TRMU: variants seen among roughly 807,000 people sequenced by gnomAD.
TRMU encodes tRNA mitochondrial 2-thiouridylase.
TRMU carries 49 observed loss-of-function variants against 46.9 expected under a neutral mutation model. The observed-to-expected ratio is 1.05, with a 90% CI of 0.83 to 1.33. The LOEUF is 1.33. Among genes scored for constraint, TRMU ranks in the 40% most tolerant of loss-of-function variants. TRMU has a pLI of 0.00. For missense variants in TRMU, 572 were observed against 532.4 expected (o/e 1.07, Z -0.73); for synonymous variants, 241 against 200.9 (o/e 1.20, Z -1.69).
Position 46,346,628 on chromosome 22 carries a change from G to A in TRMU, c.478+84G>A, listed in dbSNP as rs2147055954. On this transcript the variant is annotated intron_variant, in intron 4 of 10. Coordinates refer to ENST00000645190, the MANE Select transcript of TRMU (RefSeq NM_018006.5). ...GGAATGACAGTGGGTTGTGCCTGAG[G>A]ATCACTGCCACCCCTCCCTCTGTGC... is the stretch of plus-strand genomic sequence containing the variant. 2.0e-6 allele frequency: 3 copies of A among 1,494,388 alleles called. No homozygotes were observed. In the African/African-American group the frequency reaches 4.2e-5, roughly 21 times the overall value. The allele number at this position is 1,494,388 out of a possible 1,614,324, so 92.6% of individuals were successfully genotyped here.
rs1601969928 is a variant in TRMU, at chr22:46,350,471, T to C, written c.651+8T>C. 6.2e-7 allele frequency: 1 copy of C among 1,613,100 alleles called. No individual in the cohort carries two copies. On this transcript the variant is annotated splice_region_variant and intron_variant, in intron 5 of 10. Transcript: ENST00000645190. The surrounding 1 kb of genome is among the most constrained non-coding windows in gnomAD (Gnocchi z 4.6). The stretch of plus-strand genomic sequence containing the variant: ...GTGCTTCAGAAGAAAGAGGTACGAG[T>C]GAGCAGTTGCCTTTGATTAGTGCCT...
At chr22:46,354,206 TGCC>T (rs1314087699) in intron 8 of TRMU, 3 of 342,754 alleles carry the variant, frequency 8.8e-6, no homozygotes, top group South Asian at 2.3e-5. Context: ...CCAAGGATGG[TGCC>T]CACCATGGTA....
chr22:46,343,270 T>C lies in TRMU; in HGVS notation c.257T>C (p.Leu86Ser). The change falls in exon 3 of 11, where the codon TTG becomes TCG. Residue 86 changes from leucine to serine, a missense_variant. Coordinates refer to ENST00000645190, the MANE Select transcript of TRMU (RefSeq NM_018006.5). Reference sequence around the variant, plus strand: ...ATTTTCTTTTATTCTAGTGACTTTTTGAATGAGTATGAAAAAGGAAGGACT... The same window carrying C: ...ATTTTCTTTTATTCTAGTGACTTTTCGAATGAGTATGAAAAAGGAAGGACT... ...EYWNDVFSDF[L>S]NEYEKGRTPN... The C allele has an allele frequency of 6.2e-7, 1 of 1,612,398 alleles. No homozygotes were observed. The highest frequency in any genetic ancestry group is 1.1e-5 in the South Asian group (1 of 90,952).
In TRMU at chr22:46,350,234, A is replaced by C. The variant is rs1450226461; in HGVS notation, c.479-57A>C. 2 of 1,606,578 alleles carry C rather than the reference A, an allele frequency of 1.2e-6. No individual in the cohort carries two copies. Among genetic ancestry groups the C allele is most frequent in the African/African-American group, 2.7e-5 (2 of 74,734 alleles). On this transcript the variant is annotated intron_variant, in intron 4 of 10. Coordinates refer to ENST00000645190, the MANE Select transcript of TRMU (RefSeq NM_018006.5). This position sits in a 1 kb window ranked among gnomAD's most constrained non-coding sequence, Gnocchi z 4.6. ...TAAGTGAACAGAAGGACATTGTTGA[A>C]AGTGAAGTATCATTATTTTTATTCC... is the stretch of plus-strand genomic sequence containing the variant.
At chr22:46,346,251 G>A (rs186351234) in intron 3 of TRMU, among the ~76,000 whole-genome samples, 171 bp from the exon 4 acceptor site, 94 of 152,298 alleles carry the variant, frequency 6.2e-4, no homozygotes, top group Non-Finnish European at 1.0e-3. Context: ...GATGAAATTG[G>A]ATGTGTGCGT....
chr22:46,357,046 C>T lies in TRMU; in HGVS notation c.*40C>T. 3 of 1,612,112 alleles carry T rather than the reference C, an allele frequency of 1.9e-6. No homozygotes were observed. Among genetic ancestry groups the T allele is most frequent in the Non-Finnish European group, 2.5e-6 (3 of 1,179,458 alleles). ...CTAGAAGGAACCTGGAGAGCAGGAC[C>T]CATGGCTGGGCGGCTGGTGAGCAGT... On this transcript the variant is annotated 3_prime_UTR_variant, in exon 11 of 11. Transcript: ENST00000645190.
In TRMU at chr22:46,335,742, T is replaced by A. The variant is rs1049433503; in HGVS notation, c.-23T>A. ...GCGCGGAAGCGGCGGTAGCTGCAGC[T>A]GGCGAAGTTGGGCGACTGGCGGATG... On this transcript the variant is annotated 5_prime_UTR_variant, in exon 1 of 11. Coordinates refer to ENST00000645190, the MANE Select transcript of TRMU (RefSeq NM_018006.5). 4 of 1,545,070 alleles carry A rather than the reference T, an allele frequency of 2.6e-6. No homozygotes were observed. Among genetic ancestry groups the A allele is most frequent in the African/African-American group, 2.7e-5 (2 of 72,968 alleles).
chr22:46,337,321 T>G (rs1034723442), intron 1 of TRMU, among the ~76,000 whole-genome samples: 2 of 152,218 alleles, frequency 1.3e-5, no homozygotes, highest in African/African-American at 4.8e-5. Flanking sequence ...AAATAGGTCA[T>G]AAACTAGGTG....
intron 2 of TRMU, 44 bp from the exon 3 acceptor site, chr22:46,343,218 G>A (rs570060579): frequency 1.5e-6 from 2 of 1,310,278 alleles, no homozygotes; most frequent in South Asian, 1.3e-5. Flanking sequence ...TTTTTTTGAG[G>A]AATGTTTCAC....
intron 10 of TRMU, 95 bp downstream of exon 10, chr22:46,356,167 AGTAGG>A: frequency 7.0e-7 from 1 of 1,425,340 alleles, no homozygotes; most frequent in Non-Finnish European, 9.8e-7. Flanking sequence ...GAGGCCCAGG[AGTAGG>A]GTGTGCTCGG....
At chr22:46,335,989 G>A (rs2077964713) in intron 1 of TRMU, 143 bp downstream of exon 1, 1 of 1,457,868 alleles carries the variant, frequency 6.9e-7, no homozygotes, top group African/African-American at 1.5e-5. Context: ...CCCGTCCTCT[G>A]ACTTTGGTTC....
At position 46,352,291 on chromosome 22, in the gene TRMU, A is replaced by C. The variant is rs1601977939; in HGVS notation, c.733A>C (p.Ile245Leu). The change falls in exon 7 of 11, where the codon ATT becomes CTT. Residue 245 changes from isoleucine (I) to leucine (L), a missense_variant. Ile to Leu is a conservative substitution (Grantham distance 5). Transcript: ENST00000645190. Reference sequence around the variant, plus strand: ...TCTGCAGCCTCGACCTGGTCACTTTATTTCCATAGAAGACAATAAGGTTCT... The same window carrying C: ...TCTGCAGCCTCGACCTGGTCACTTTCTTTCCATAGAAGACAATAAGGTTCT... Reference protein sequence around the residue: ...QYLQPRPGHFISIEDNKVLGT... With the variant: ...QYLQPRPGHFLSIEDNKVLGT... 6.2e-7 allele frequency: 1 copy of C among 1,613,992 alleles called. No homozygotes were observed. The highest frequency in any genetic ancestry group is 2.2e-5 in the East Asian group (1 of 44,872).
chr22:46,336,707 A>G lies in TRMU; in HGVS notation c.82+861A>G, dbSNP rs2077988527. ...TAGTGGCTATTAGTTTATATTGTTA[A>G]TAACCATAGCTATTATGGTAGGTAC... On this transcript the variant is annotated intron_variant, in intron 1 of 10. Transcript: ENST00000645190. The surrounding 1 kb of genome is among the most constrained non-coding windows in gnomAD (Gnocchi z 4.1). 1 of 152,306 alleles carries G rather than the reference A, an allele frequency of 6.6e-6. No individual in the cohort carries two copies. The highest frequency in any genetic ancestry group is 1.5e-5 in the Non-Finnish European group (1 of 68,094). The allele number at this position is 152,306 out of a possible 1,614,324, so 9.4% of individuals were successfully genotyped here.
chr22:46,346,471 TGAA>T lies in TRMU; in HGVS notation c.410_412del (p.Glu137del), dbSNP rs1191734880. ...ACTATGCAAGAACTTCCCTGGAAGA[TGAA>T]GAAGTCTTTGAGCAGAAGCACGTTA... On this transcript the variant is annotated inframe_deletion, in exon 4 of 11. Coordinates refer to ENST00000645190, the MANE Select transcript of TRMU (RefSeq NM_018006.5). 1.2e-5 allele frequency: 19 copies of T among 1,613,644 alleles called. No individual in the cohort carries two copies. Among genetic ancestry groups the T allele is most frequent in the Non-Finnish European group, 1.4e-5 (16 of 1,179,728 alleles).
At chr22:46,337,514 C>T (rs889652583) in intron 1 of TRMU, among the ~76,000 whole-genome samples, 6 of 152,156 alleles carry the variant, frequency 3.9e-5, no homozygotes, top group Non-Finnish European at 7.3e-5. Context: ...CACACACTGG[C>T]TGATCCCCTC....
At chr22:46,354,220 G>A in intron 8 of TRMU, 1 of 328,720 alleles carries the variant, frequency 3.0e-6, no homozygotes, top group East Asian at 7.7e-5. Context: ...CACCATGGTA[G>A]GATCCAGTGA....
chr22:46,345,219 C>T (rs1185494613), intron 3 of TRMU, among the ~76,000 whole-genome samples: 3 of 152,198 alleles, frequency 2.0e-5, no homozygotes, highest in Admixed American at 2.0e-4. Flanking sequence ...TACAGGTGCC[C>T]ACCAACATGT....
rs570520482 is a variant in TRMU, at chr22:46,344,480, G to A, written c.355+1112G>A. 3.5e-4 allele frequency among the ~76,000 whole-genome samples: 54 copies of A among 152,330 alleles called. 1 individual carries two copies. In the South Asian group the frequency reaches 0.01, roughly 29 times the overall value. On this transcript the variant is annotated intron_variant, in intron 3 of 10. Transcript: ENST00000645190. ...TGGGTCGTAGTGGCAGTGGTCAAGC[G>A]TGTGAGTTAGGATGACATTCTTTGT... is the stretch of plus-strand genomic sequence containing the variant.
chr22:46,352,380 C>T (rs761057546), intron 7 of TRMU, 50 bp downstream of exon 7: 29 of 1,598,768 alleles, frequency 1.8e-5, no homozygotes, highest in East Asian at 8.9e-5. Flanking sequence ...AGAGCTGTGG[C>T]GTTTCAGCTC....
Sources: gnomAD v4.1 joint callset for allele counts (sites outside exome capture counted in the v4.1 genomes callset) on GRCh38, gnomAD v4.1.1 for gene constraint, Gnocchi (gnomAD v3.1) non-coding constraint, MANE v1.5 for transcripts, NCBI Gene and HGNC (gene_info 2026-07-23, HGNC 2026-07-21) for gene names.